Variants in CORIN observed in about 807,000 individuals in gnomAD.
CORIN encodes corin, serine peptidase.
Under a neutral mutation model 125.3 loss-of-function variants are expected in CORIN, and 117 were observed. The observed-to-expected ratio is 0.93, with a 90% CI of 0.80 to 1.09. The LOEUF (loss-of-function observed/expected upper bound fraction) is 1.09. CORIN is among the 50% of genes least tolerant of loss of function. The pLI, the probability that CORIN is intolerant of heterozygous loss-of-function variation, is 0.00. For missense variants in CORIN, 1,253 were observed against 1,306.7 expected, an observed-to-expected ratio of 0.96 and a Z score of 0.63; for synonymous variants, 450 against 466.4, an observed-to-expected ratio of 0.96 and a Z score of 0.45.
intron 5 of CORIN, among the ~76,000 whole-genome samples, chr4:47,693,372 A>G (rs1424275956): frequency 6.6e-6 from 1 of 152,212 alleles, no homozygotes; most frequent in Non-Finnish European, 1.5e-5. Context: ...GGGTAGCTTC[A>G]TCATTTGCAC....
At chr4:47,782,934 T>C (rs565609384) in intron 3 of CORIN, among the ~76,000 whole-genome samples, 1 of 152,198 alleles carries the variant, frequency 6.6e-6, no homozygotes, top group African/African-American at 2.4e-5. Context: ...CCTTTTTTTT[T>C]TGCAATGATG....
At chr4:47,674,319 A>G (rs1560500033) in intron 10 of CORIN, 74 bp downstream of exon 10, 1 of 1,033,070 alleles carries the variant, frequency 9.7e-7, no homozygotes, top group Middle Eastern at 2.0e-4. Flanking sequence ...TCAGTATTTG[A>G]ATGTCAATGC....
At chr4:47,688,850 C>G (rs1353155800) in intron 6 of CORIN, among the ~76,000 whole-genome samples, 1 of 152,152 alleles carries the variant, frequency 6.6e-6, no homozygotes, top group Non-Finnish European at 1.5e-5. Flanking sequence ...CTTCCATAAG[C>G]ATAGAGTTTT....
chr4:47,728,491 G>C (rs1727704203), intron 5 of CORIN, among the ~76,000 whole-genome samples: 1 of 152,094 alleles, frequency 6.6e-6, no homozygotes. Flanking sequence ...GACCATGATG[G>C]GGCGTACAAA....
intron 4 of CORIN, among the ~76,000 whole-genome samples, chr4:47,751,214 A>C (rs1728882941): frequency 6.6e-6 from 1 of 152,082 alleles, no homozygotes; most frequent in Non-Finnish European, 1.5e-5. Context: ...AAATGATCTC[A>C]ATATTAACTC....
At chr4:47,782,143 G>A (rs189336775) in intron 3 of CORIN, among the ~76,000 whole-genome samples, 1 of 152,096 alleles carries the variant, frequency 6.6e-6, no homozygotes, top group Non-Finnish European at 1.5e-5. Flanking sequence ...TCAGCACTTC[G>A]GGAGGCCAAG....
chr4:47,671,260 C>G (rs1724745823), intron 10 of CORIN, among the ~76,000 whole-genome samples: 1 of 152,130 alleles, frequency 6.6e-6, no homozygotes, highest in African/African-American at 2.4e-5. Context: ...GGACAAGAAT[C>G]CCGGCAACTC....
At chr4:47,631,824 C>T (rs1722818936) in intron 16 of CORIN, among the ~76,000 whole-genome samples, 1 of 152,080 alleles carries the variant, frequency 6.6e-6, no homozygotes, top group African/African-American at 2.4e-5. Flanking sequence ...TGCTCTGGGC[C>T]TGAAGGCAGT....
At chr4:47,786,544 A>AAAC (rs969631959) in intron 3 of CORIN, among the ~76,000 whole-genome samples, 181 bp downstream of exon 3, 62 of 151,994 alleles carry the variant, frequency 4.1e-4, no homozygotes, top group Admixed American at 1.3e-3. Context: ...TCCGCCTGAA[A>AAAC]AACAACAACA....
intron 19 of CORIN, among the ~76,000 whole-genome samples, chr4:47,613,236 C>T (rs1326071364): frequency 2.0e-5 from 3 of 152,120 alleles, no homozygotes; most frequent in African/African-American, 2.4e-5. Flanking sequence ...GGGCAGATCA[C>T]GAGGTCAGGA....
intron 15 of CORIN, chr4:47,642,695 A>C: frequency 1.8e-6 from 1 of 560,066 alleles, no homozygotes. Context: ...AGGTGCTGGT[A>C]GGAGATGTCT....
intron 21 of CORIN, 24 bp downstream of exon 21, chr4:47,600,190 C>A: frequency 6.3e-7 from 1 of 1,593,524 alleles, no homozygotes; most frequent in Non-Finnish European, 8.6e-7. Flanking sequence ...ACTGAATCTC[C>A]TTGGTAACCA....
intron 19 of CORIN, among the ~76,000 whole-genome samples, chr4:47,614,110 T>C (rs982867746): frequency 1.3e-5 from 2 of 152,214 alleles, no homozygotes; most frequent in Non-Finnish European, 2.9e-5. Context: ...AAAATTGTTG[T>C]CTGTAGCAGA....
At chr4:47,636,798 T>G (rs1036650078) in intron 16 of CORIN, among the ~76,000 whole-genome samples, 1 of 152,210 alleles carries the variant, frequency 6.6e-6, no homozygotes, top group Non-Finnish European at 1.5e-5. Context: ...CTCAGGAATG[T>G]CTTTATCAGC....
In CORIN at chr4:47,648,230, T is replaced by C. The variant is rs141707778; in HGVS notation, c.1844-3036A>G. On this transcript the variant is annotated intron_variant, in intron 13 of 21. Coordinates refer to ENST00000273857, the MANE Select transcript of CORIN (RefSeq NM_006587.4). ...AAACAGGCATGGATGGGATGGGCTGTTTAATGCACCTGTAGGTTATGAAAC... is the reference window on the plus strand; with the variant it reads ...AAACAGGCATGGATGGGATGGGCTGCTTAATGCACCTGTAGGTTATGAAAC... 5.9e-5 allele frequency among the ~76,000 whole-genome samples: 9 copies of C among 152,288 alleles called. No individual in the cohort carries two copies. In the South Asian group the frequency reaches 8.3e-4, roughly 14 times the overall value.
chr4:47,773,684 C>T (rs1401539206), intron 3 of CORIN, among the ~76,000 whole-genome samples: 1 of 151,998 alleles, frequency 6.6e-6, no homozygotes, highest in Non-Finnish European at 1.5e-5. Flanking sequence ...CAAAAGGAAA[C>T]ATTTAAAATG....
intron 5 of CORIN, among the ~76,000 whole-genome samples, chr4:47,709,259 T>C (rs1310974575): frequency 1.5e-4 from 23 of 150,086 alleles, no homozygotes; most frequent in Admixed American, 1.4e-3. Context: ...GCTGGCTACA[T>C]AATTTGCAGT....
intron 1 of CORIN, among the ~76,000 whole-genome samples, chr4:47,825,957 C>CCTT (rs1451563895): frequency 6.6e-6 from 1 of 152,122 alleles, no homozygotes; most frequent in Non-Finnish European, 1.5e-5. Context: ...CCAGCCTCAT[C>CCTT]CTCCCAAAGT....
intron 1 of CORIN, among the ~76,000 whole-genome samples, 162 bp downstream of exon 1, chr4:47,837,725 G>A (rs1422889385): frequency 6.6e-6 from 1 of 152,166 alleles, no homozygotes; most frequent in Non-Finnish European, 1.5e-5. Flanking sequence ...GGTGCAGGGC[G>A]CTGAGCGCGG....
Sources: allele counts gnomAD v4.1 joint callset (sites outside exome capture counted in the v4.1 genomes callset), GRCh38; gene constraint gnomAD v4.1.1; transcripts MANE v1.5; gene names NCBI Gene and HGNC (gene_info 2026-07-23, HGNC 2026-07-21).